The following FEZ1 variants were observed in gnomAD, a reference collection of about 807,000 sequenced individuals.
The protein encoded by FEZ1 is fasciculation and elongation protein zeta 1, also known as fasciculation and elongation protein zeta-1.
In FEZ1, 20 loss-of-function variants were observed where a neutral mutation model predicts 49.3. That is an observed-to-expected ratio of 0.41 (90% CI 0.29 to 0.59). The LOEUF (loss-of-function observed/expected upper bound fraction) is 0.59. FEZ1 is among the 20% of genes least tolerant of loss of function. FEZ1 has a pLI of 0.36. For synonymous variants in FEZ1, 170 were observed against 180.9 expected (o/e 0.94, Z 0.48); for missense variants, 413 against 476.0 (o/e 0.87, Z 1.23).
chr11:125,445,663 GC>G lies in FEZ1; in HGVS notation c.*431del. ...CAGCACTGGCTGCCACAGGCCACAG[GC>G]CGGCGTGCAAAGAATGCTATACAGC... On this transcript the variant is annotated 3_prime_UTR_variant, in exon 10 of 10. Transcript: ENST00000278919. The surrounding 1 kb of genome is among the most constrained non-coding windows in gnomAD (Gnocchi z 4.4). The G allele has an allele frequency of 3.2e-6, 1 of 309,720 alleles. No homozygotes were observed. The highest frequency in any genetic ancestry group is 2.8e-5 in the South Asian group (1 of 35,236). 19.2% of individuals were successfully genotyped at this position (309,720 alleles called of 1,614,324 possible). A position where few individuals can be genotyped will look rare whatever the true frequency, so the allele number is the denominator to read the frequency against.
intron 5 of FEZ1, among the ~76,000 whole-genome samples, chr11:125,457,424 AAAAAAATATATAT>A (rs1231518993): frequency 2.4e-5 from 1 of 41,116 alleles, no homozygotes; most frequent in African/African-American, 8.9e-5. Flanking sequence ...AAAAAAAAAA[AAAAAAATATATAT>A]ATATATATAT....
At chr11:125,480,109 C>G (rs958750044) in intron 3 of FEZ1, among the ~76,000 whole-genome samples, 1 of 152,304 alleles carries the variant, frequency 6.6e-6, no homozygotes, top group African/African-American at 2.4e-5. Context: ...AGCATGGTGG[C>G]TCACACCTGT....
At chr11:125,486,209 T>C (rs1292306750) in intron 2 of FEZ1, among the ~76,000 whole-genome samples, 2 of 152,218 alleles carry the variant, frequency 1.3e-5, no homozygotes, top group Admixed American at 6.5e-5. Flanking sequence ...ATAACAATTC[T>C]ATCTGAAGAA....
At chr11:125,478,190 C>T (rs1171037079) in intron 3 of FEZ1, among the ~76,000 whole-genome samples, 3 of 152,190 alleles carry the variant, frequency 2.0e-5, no homozygotes, top group Non-Finnish European at 4.4e-5. Context: ...CACCTATAAT[C>T]CCAGCACTTT....
intron 3 of FEZ1, among the ~76,000 whole-genome samples, chr11:125,467,934 A>G (rs1957147051): frequency 6.6e-6 from 1 of 152,226 alleles, no homozygotes; most frequent in Non-Finnish European, 1.5e-5. Flanking sequence ...TTATAAGGTA[A>G]AAGGAGACTG....
Position 125,489,134 on chromosome 11 carries a change from G to T in FEZ1, c.311+333C>A. On this transcript the variant is annotated intron_variant, in intron 2 of 9. Transcript: ENST00000278919. The surrounding 1 kb of genome is among the most constrained non-coding windows in gnomAD (Gnocchi z 4.2). The stretch of plus-strand genomic sequence containing the variant: ...CATCATGGTTAATTAATTTTTTCTG[G>T]CCTTTATTTCTAATATCTCGCTGGA... 2.0e-6 allele frequency: 2 copies of T among 1,013,990 alleles called. No individual in the cohort carries two copies. Among genetic ancestry groups the T allele is most frequent in the Non-Finnish European group, 2.4e-6 (2 of 849,460 alleles). 62.8% of individuals were successfully genotyped at this position (1,013,990 alleles called of 1,614,324 possible).
intron 3 of FEZ1, among the ~76,000 whole-genome samples, chr11:125,480,677 T>C (rs547209555): frequency 1.3e-5 from 2 of 152,208 alleles, no homozygotes; most frequent in Non-Finnish European, 2.9e-5. Context: ...AGAGAAGCCA[T>C]GACAGTTTCC....
intron 3 of FEZ1, among the ~76,000 whole-genome samples, chr11:125,471,044 T>C (rs1355803361): frequency 6.6e-6 from 1 of 152,160 alleles, no homozygotes; most frequent in African/African-American, 2.4e-5. Context: ...GATTAATTAA[T>C]AATGTATAGT....
At chr11:125,455,650 C>T in intron 6 of FEZ1, 185 bp downstream of exon 6, 1 of 685,976 alleles carries the variant, frequency 1.5e-6, no homozygotes, top group East Asian at 2.5e-5. Context: ...GACTGTGAGC[C>T]CTTTGGGGGA....
chr11:125,455,643 T>A lies in FEZ1; in HGVS notation c.939+192A>T. 5 of 678,594 alleles carry A rather than the reference T, an allele frequency of 7.4e-6. No individual in the cohort carries two copies. The South Asian group carries it at 8.6e-5, about 12-fold the overall frequency. 42.0% of individuals were successfully genotyped at this position (678,594 alleles called of 1,614,324 possible). A position where few individuals can be genotyped will look rare whatever the true frequency, so the allele number is the denominator to read the frequency against. On this transcript the variant is annotated intron_variant, in intron 6 of 9. Transcript: ENST00000278919. ...TACACACTGTCTTCCTGGGTTAGAC[T>A]GTGAGCCCTTTGGGGGAGTGGAGGA...
At position 125,443,770 on chromosome 11, in the gene FEZ1, G is replaced by C. The variant is rs1166569797; in HGVS notation, c.*2325C>G. Among the ~76,000 whole-genome samples, 8 of 152,270 alleles carry C rather than the reference G, an allele frequency of 5.3e-5. No homozygotes were observed. The South Asian group carries it at 1.7e-3, about 32-fold the overall frequency. The stretch of plus-strand genomic sequence containing the variant: ...ATAGACGGACAAACAAGAGAGAAAG[G>C]AGGAGCCACTGTTTTCAGCCTGCCC... On this transcript the variant is annotated 3_prime_UTR_variant, in exon 10 of 10. Coordinates refer to ENST00000278919, the MANE Select transcript of FEZ1 (RefSeq NM_005103.5).
In FEZ1 at chr11:125,444,649, A is replaced by AGAT; in HGVS notation, c.*1443_*1445dup. On this transcript the variant is annotated 3_prime_UTR_variant, in exon 10 of 10. Transcript: ENST00000278919. ...ACTGGGAGTGCCTTCTGTGTCCCCT[A>AGAT]GATGGATTCTGTGGCCTTCTGTGGA... is the stretch of plus-strand genomic sequence containing the variant. 6.6e-6 allele frequency among the ~76,000 whole-genome samples: 1 copy of AGAT among 151,708 alleles called. No individual in the cohort carries two copies. Among genetic ancestry groups the AGAT allele is most frequent in the East Asian group, 1.9e-4 (1 of 5,160 alleles).
chr11:125,463,444 A>C (rs1957094041), intron 4 of FEZ1, 40 bp downstream of exon 4: 1 of 1,242,508 alleles, frequency 8.0e-7, no homozygotes. Flanking sequence ...TCTCCATCAA[A>C]AGAACAAAAG....
intron 2 of FEZ1, among the ~76,000 whole-genome samples, chr11:125,485,548 C>T (rs1957319313): frequency 6.6e-6 from 1 of 152,182 alleles, no homozygotes; most frequent in Non-Finnish European, 1.5e-5. Context: ...TGGCTACTTC[C>T]CTTGTCTAGT....
rs1024846990 is a variant in FEZ1, at chr11:125,488,476, C to G, written c.311+991G>C. Among the ~76,000 whole-genome samples the G allele has an allele frequency of 8.5e-5, 13 of 152,238 alleles. No homozygotes were observed. The South Asian group carries it at 2.7e-3, about 32-fold the overall frequency. On this transcript the variant is annotated intron_variant, in intron 2 of 9. Transcript: ENST00000278919. ...CGGGCAAATCACCAGGTCAGGAGTT[C>G]GAGACCAGCCTGGCCAACATGGTGA...
intron 6 of FEZ1, 191 bp downstream of exon 6, chr11:125,455,644 G>C: frequency 1.5e-6 from 1 of 679,874 alleles, no homozygotes; most frequent in Non-Finnish European, 2.6e-6. Context: ...GGGTTAGACT[G>C]TGAGCCCTTT....
chr11:125,475,237 T>C (rs1454168081), intron 3 of FEZ1, among the ~76,000 whole-genome samples: 1 of 148,252 alleles, frequency 6.7e-6, no homozygotes, highest in African/African-American at 2.5e-5. Flanking sequence ...GCCACTGCCC[T>C]CCAGACTGGG....
At chr11:125,462,255 A>G (rs1341149849) in intron 4 of FEZ1, among the ~76,000 whole-genome samples, 1 of 152,254 alleles carries the variant, frequency 6.6e-6, no homozygotes, top group Non-Finnish European at 1.5e-5. Flanking sequence ...ACCCATAAAT[A>G]TTTGTTGACT....
chr11:125,456,034 G>A lies in FEZ1; in HGVS notation c.740C>T (p.Ser247Leu), dbSNP rs139926772. 1.2e-5 allele frequency: 19 copies of A among 1,612,440 alleles called. No homozygotes were observed. The highest frequency in any genetic ancestry group is 4.0e-5 in the African/African-American group (3 of 74,764). ...GGCCAGCTGCTGCACCAGCTCCTCC[G>A]AGAAGTCACGGATGGCACCCTCCAC... Reference protein sequence around the residue: ...DQVEGAIRDFSEELVQQLARR... With the variant: ...DQVEGAIRDFLEELVQQLARR... The change falls in exon 6 of 10, where the codon TCG becomes TTG. Residue 247 changes from serine to leucine, a missense_variant. Coordinates refer to ENST00000278919, the MANE Select transcript of FEZ1 (RefSeq NM_005103.5).
Sources: allele counts gnomAD v4.1 joint callset (sites outside exome capture counted in the v4.1 genomes callset), GRCh38; gene constraint gnomAD v4.1.1; non-coding constraint Gnocchi (gnomAD v3.1); transcripts MANE v1.5; gene names NCBI Gene and HGNC (gene_info 2026-07-23, HGNC 2026-07-21).